The following PDCD1LG2 variants were observed in gnomAD, a reference collection of about 807,000 sequenced individuals.
PDCD1LG2 encodes the protein B7 dendritic cell molecule.
PDCD1LG2 carries 32 observed loss-of-function variants against 28.2 expected under a neutral mutation model. The observed-to-expected ratio is 1.13, with a 90% CI of 0.86 to 1.52. PDCD1LG2 has a LOEUF of 1.52. Ranked by LOEUF, PDCD1LG2 falls within the 40% of genes most tolerant of loss-of-function variation. PDCD1LG2 has a pLI of 0.00. For missense variants in PDCD1LG2, 385 were observed against 323.8 expected, an observed-to-expected ratio of 1.19 and a Z score of -1.45; for synonymous variants, 116 against 120.2, an observed-to-expected ratio of 0.97 and a Z score of 0.23.
intron 2 of PDCD1LG2, among the ~76,000 whole-genome samples, chr9:5,526,046 C>CA (rs375299943): frequency 0.14 from 16,683 of 117,928 alleles, 2,368 homozygotes; most frequent in African/African-American, 0.36. Context: ...GACTCCGTCT[C>CA]AAAAAAAAAA....
chr9:5,511,921 C>T (rs138070045), intron 1 of PDCD1LG2, among the ~76,000 whole-genome samples: 197 of 152,254 alleles, frequency 1.3e-3, no homozygotes, highest in African/African-American at 4.6e-3. Flanking sequence ...TAGTGCAGTA[C>T]CTGGCAATAC....
At chr9:5,539,875 T>C (rs904223906) in intron 3 of PDCD1LG2, among the ~76,000 whole-genome samples, 4 of 152,222 alleles carry the variant, frequency 2.6e-5, no homozygotes, top group Non-Finnish European at 5.9e-5. Flanking sequence ...ATTTAAACTA[T>C]GCCCTACCAC....
chr9:5,528,674 T>C (rs1563823635), intron 2 of PDCD1LG2, among the ~76,000 whole-genome samples: 1 of 152,160 alleles, frequency 6.6e-6, no homozygotes, highest in Non-Finnish European at 1.5e-5. Flanking sequence ...TCCTTTGTAA[T>C]TGTATACTAA....
Position 5,570,424 on chromosome 9 carries a change from G to C in PDCD1LG2, c.*465G>C, listed in dbSNP as rs1372891617. The C allele has an allele frequency of 1.3e-5, 3 of 236,602 alleles. No individual in the cohort carries two copies. Among genetic ancestry groups the C allele is most frequent in the African/African-American group, 6.6e-5 (3 of 45,422 alleles). The allele number at this position is 236,602 out of a possible 1,614,324, so 14.7% of individuals were successfully genotyped here. ...TACTAGAAGAGGCTATTGAGACTAT[G>C]AGCTCACAGACAGGGCTTCGCACAA... is the stretch of plus-strand genomic sequence containing the variant. On this transcript the variant is annotated 3_prime_UTR_variant, in exon 7 of 7. Transcript: ENST00000397747.
chr9:5,552,089 T>A (rs1221229708), intron 4 of PDCD1LG2, among the ~76,000 whole-genome samples: 1 of 152,192 alleles, frequency 6.6e-6, no homozygotes, highest in East Asian at 1.9e-4. Flanking sequence ...GAGCTTTTGA[T>A]CAGCATGCCC....
At chr9:5,528,729 G>A (rs1374835590) in intron 2 of PDCD1LG2, among the ~76,000 whole-genome samples, 2 of 152,102 alleles carry the variant, frequency 1.3e-5, no homozygotes, top group African/African-American at 2.4e-5. Context: ...CTTATTGTAA[G>A]GTTTTAAAAA....
At chr9:5,563,632 T>C (rs1292282340) in intron 6 of PDCD1LG2, among the ~76,000 whole-genome samples, 2 of 152,170 alleles carry the variant, frequency 1.3e-5, no homozygotes, top group African/African-American at 4.8e-5. Flanking sequence ...GGTTTGGAGC[T>C]GGAATCTGTG....
At chr9:5,512,586 T>C (rs939392715) in intron 1 of PDCD1LG2, among the ~76,000 whole-genome samples, 1 of 152,208 alleles carries the variant, frequency 6.6e-6, no homozygotes, top group Non-Finnish European at 1.5e-5. Flanking sequence ...GATCTTTTCT[T>C]TATAATCTTT....
intron 2 of PDCD1LG2, among the ~76,000 whole-genome samples, chr9:5,524,922 A>G (rs1433761242): frequency 6.6e-6 from 1 of 152,208 alleles, no homozygotes; most frequent in Non-Finnish European, 1.5e-5. Context: ...AGAAGATTAC[A>G]TTTTCTTCCT....
chr9:5,555,367 A>C (rs1414950492), intron 4 of PDCD1LG2, among the ~76,000 whole-genome samples: 1 of 152,194 alleles, frequency 6.6e-6, no homozygotes, highest in African/African-American at 2.4e-5. Flanking sequence ...CAGTGAGCCA[A>C]GATCATGCCA....
At chr9:5,561,065 G>A (rs1208832373) in intron 5 of PDCD1LG2, among the ~76,000 whole-genome samples, 1 of 151,922 alleles carries the variant, frequency 6.6e-6, no homozygotes, top group African/African-American at 2.4e-5. Context: ...AAAATTACCT[G>A]GCATATAATA....
chr9:5,521,001 G>A (rs931501511), intron 1 of PDCD1LG2, among the ~76,000 whole-genome samples: 3 of 152,130 alleles, frequency 2.0e-5, no homozygotes, highest in Non-Finnish European at 4.4e-5. Context: ...GCAAAATGTG[G>A]TATATCATAC....
intron 3 of PDCD1LG2, among the ~76,000 whole-genome samples, chr9:5,543,362 A>G (rs2129842748): frequency 6.6e-6 from 1 of 152,076 alleles, no homozygotes; most frequent in East Asian, 1.9e-4. Flanking sequence ...ACACGGTGAA[A>G]CCCCGTCTCT....
intron 1 of PDCD1LG2, among the ~76,000 whole-genome samples, chr9:5,518,025 G>A (rs1277034983): frequency 6.6e-6 from 1 of 152,210 alleles, no homozygotes; most frequent in Non-Finnish European, 1.5e-5. Context: ...CCAGGAGGGA[G>A]AATTAACAGG....
intron 3 of PDCD1LG2, among the ~76,000 whole-genome samples, chr9:5,537,823 T>C (rs554147720): frequency 6.6e-6 from 1 of 152,274 alleles, no homozygotes; most frequent in Non-Finnish European, 1.5e-5. Flanking sequence ...GGCACATGTA[T>C]ACATATGTAA....
chr9:5,518,994 A>G (rs1333627284), intron 1 of PDCD1LG2, among the ~76,000 whole-genome samples: 3 of 152,178 alleles, frequency 2.0e-5, no homozygotes, highest in Non-Finnish European at 4.4e-5. Context: ...CTGTCGTTGA[A>G]AAAAGTATGT....
intron 3 of PDCD1LG2, among the ~76,000 whole-genome samples, chr9:5,547,670 C>T (rs1454531744): frequency 1.3e-5 from 2 of 152,138 alleles, no homozygotes; most frequent in African/African-American, 2.4e-5. Context: ...GGCACAGTGG[C>T]TCATGCCTGT....
At chr9:5,550,848 C>A (rs1320800229) in intron 4 of PDCD1LG2, among the ~76,000 whole-genome samples, 2 of 152,222 alleles carry the variant, frequency 1.3e-5, no homozygotes, top group Non-Finnish European at 2.9e-5. Context: ...CACATGCCAA[C>A]ATGCCTGGCT....
intron 3 of PDCD1LG2, among the ~76,000 whole-genome samples, chr9:5,536,808 T>C (rs1299080697): frequency 1.3e-5 from 2 of 152,330 alleles, no homozygotes; most frequent in South Asian, 2.1e-4. Flanking sequence ...CAGGCAGTTT[T>C]AGGAAGTGAG....
Sources: gnomAD v4.1 joint callset for allele counts (sites outside exome capture counted in the v4.1 genomes callset) on GRCh38, gnomAD v4.1.1 for gene constraint, MANE v1.5 for transcripts, NCBI Gene and HGNC (gene_info 2026-07-23, HGNC 2026-07-21) for gene names.